The following RPH3AL variants were observed in gnomAD, a reference collection of about 807,000 sequenced individuals.
RPH3AL encodes rab effector Noc2.
In RPH3AL, 38 loss-of-function variants were observed where a neutral mutation model predicts 43.1. The observed-to-expected ratio is 0.88, with a 90% CI of 0.68 to 1.15. The LOEUF (loss-of-function observed/expected upper bound fraction) is 1.15. RPH3AL is among the 50% of genes most tolerant of loss of function. The pLI is 0.00. For synonymous variants in RPH3AL, 189 were observed against 176.3 expected (o/e 1.07, Z -0.57); for missense variants, 462 against 423.2 (o/e 1.09, Z -0.81).
At chr17:270,769 CTTTAG>C (rs1348708429) in intron 6 of RPH3AL, among the ~76,000 whole-genome samples, 3 of 152,012 alleles carry the variant, frequency 2.0e-5, no homozygotes, top group African/African-American at 7.2e-5. Context: ...TGTGGAAGCT[CTTTAG>C]TTTAATTAGA....
chr17:273,060 A>AGCGCGGGTGACTTCAGGGTGAGACCCCG (rs2042541979), intron 6 of RPH3AL, among the ~76,000 whole-genome samples: 1 of 137,498 alleles, frequency 7.3e-6, no homozygotes, highest in Non-Finnish European at 1.6e-5. Context: ...GAGAGACCCC[A>AGCGCGGGTGACTTCAGGGTGAGACCCCG]GCGAGGGCGA....
rs553778456 is a variant in RPH3AL at position 314,071 on chromosome 17, G to T, written c.351+5349C>A. Among the ~76,000 whole-genome samples, 9 of 152,286 alleles carry T rather than the reference G, an allele frequency of 5.9e-5. No individual in the cohort carries two copies. The East Asian group carries it at 1.7e-3, about 29-fold the overall frequency. ...GCGTGGGGACCCACATCCAGCTGAG[G>T]TCCTTCCCCAGGACAGCCACTGTTG... On this transcript the variant is annotated intron_variant, in intron 5 of 9. Coordinates refer to ENST00000331302, the MANE Select transcript of RPH3AL (RefSeq NM_006987.4).
At chr17:285,548 G>A (rs1168285889) in intron 5 of RPH3AL, among the ~76,000 whole-genome samples, 1 of 152,130 alleles carries the variant, frequency 6.6e-6, no homozygotes, top group African/African-American at 2.4e-5. Flanking sequence ...GATCTAATAC[G>A]GTAGCCACCA....
chr17:335,472 C>T (rs560207913), intron 1 of RPH3AL, among the ~76,000 whole-genome samples: 120 of 152,162 alleles, frequency 7.9e-4, no homozygotes, highest in African/African-American at 1.3e-3. Flanking sequence ...ATGCACGGCC[C>T]GGCCAAGAGT....
chr17:324,757 G>A (rs182824306), intron 3 of RPH3AL, among the ~76,000 whole-genome samples: 62 of 144,076 alleles, frequency 4.3e-4, no homozygotes, highest in Non-Finnish European at 8.2e-4. Context: ...ACAGAGTCTC[G>A]GTCTGTCGCC....
At chr17:269,149 A>G (rs945042119) in intron 6 of RPH3AL, among the ~76,000 whole-genome samples, 3 of 152,096 alleles carry the variant, frequency 2.0e-5, no homozygotes, top group Admixed American at 6.5e-5. Context: ...AAGTGCTGGG[A>G]TCACAGGCGT....
rs113088271 is a variant in RPH3AL at position 337,225 on chromosome 17, C to T, written c.-212-3291G>A. ...CCAACTCCTCGGCTCCCGTGATCCTCGCATCAGCCTCCCAAGTCGCTAGAA... is the reference window on the plus strand; with the variant it reads ...CCAACTCCTCGGCTCCCGTGATCCTTGCATCAGCCTCCCAAGTCGCTAGAA... On this transcript the variant is annotated intron_variant, in intron 1 of 9. Transcript: ENST00000331302. Among the ~76,000 whole-genome samples the T allele has an allele frequency of 3.0e-3, 452 of 152,070 alleles. 4 individuals are homozygous for T. Among genetic ancestry groups the T allele is most frequent in the African/African-American group, 0.01 (429 of 41,474 alleles).
chr17:325,849 G>A (rs12603847), intron 3 of RPH3AL, among the ~76,000 whole-genome samples: 35,798 of 152,058 alleles, frequency 0.24, 4,325 homozygotes, highest in East Asian at 0.35. Context: ...AGGGTCCCAC[G>A]GGACACAGCT....
At chr17:297,786 G>T (rs1351006887) in intron 5 of RPH3AL, among the ~76,000 whole-genome samples, 1 of 152,170 alleles carries the variant, frequency 6.6e-6, no homozygotes, top group East Asian at 1.9e-4. Flanking sequence ...AGAATCTGGT[G>T]AAGAGCAAGG....
chr17:286,903 C>T (rs965350084), intron 5 of RPH3AL, among the ~76,000 whole-genome samples: 3 of 141,936 alleles, frequency 2.1e-5, no homozygotes, highest in Admixed American at 7.1e-5. Context: ...GGCTTTCAGA[C>T]CTCGCACCCT....
chr17:309,017 G>T (rs775169328), intron 5 of RPH3AL, among the ~76,000 whole-genome samples: 2 of 152,218 alleles, frequency 1.3e-5, no homozygotes, highest in African/African-American at 4.8e-5. Flanking sequence ...AGTGATGGAG[G>T]CTGGCTGTGG....
chr17:285,812 A>G (rs1295274326), intron 5 of RPH3AL, among the ~76,000 whole-genome samples: 1 of 152,012 alleles, frequency 6.6e-6, no homozygotes, highest in Non-Finnish European at 1.5e-5. Context: ...ACAGCTTCCA[A>G]TCAACCCGAC....
intron 7 of RPH3AL, among the ~76,000 whole-genome samples, chr17:223,312 T>C (rs1350391686): frequency 6.6e-6 from 1 of 152,078 alleles, no homozygotes; most frequent in Non-Finnish European, 1.5e-5. Flanking sequence ...CAATACCAAG[T>C]ACAACAGCAC....
chr17:220,040 G>A (rs1192876076), intron 7 of RPH3AL, among the ~76,000 whole-genome samples: 1 of 152,166 alleles, frequency 6.6e-6, no homozygotes, highest in African/African-American at 2.4e-5. Context: ...TCCTCTAGTG[G>A]AACCAGAACC....
intron 5 of RPH3AL, among the ~76,000 whole-genome samples, chr17:315,457 C>G (rs2043971386): frequency 6.6e-6 from 1 of 151,992 alleles, no homozygotes; most frequent in African/African-American, 2.4e-5. Flanking sequence ...CTCCATTGAC[C>G]TGTAGTCCCT....
intron 5 of RPH3AL, among the ~76,000 whole-genome samples, chr17:301,604 A>AT (rs201173718): frequency 0.048 from 7,223 of 151,868 alleles, 221 homozygotes; most frequent in Middle Eastern, 0.13. Context: ...GGCCCACCTA[A>AT]TTTTTTTCAT....
intron 7 of RPH3AL, among the ~76,000 whole-genome samples, chr17:224,003 T>C (rs1322054139): frequency 1.3e-5 from 2 of 152,228 alleles, no homozygotes; most frequent in African/African-American, 4.8e-5. Flanking sequence ...AGGTGCTTCA[T>C]GAAGGTCAGG....
At chr17:226,653 C>T (rs1283033745) in intron 7 of RPH3AL, among the ~76,000 whole-genome samples, 1 of 152,234 alleles carries the variant, frequency 6.6e-6, no homozygotes, top group Non-Finnish European at 1.5e-5. Context: ...ATGTTCCTGG[C>T]TTCCTCGGGC....
chr17:268,944 T>C (rs1431876368), intron 6 of RPH3AL, among the ~76,000 whole-genome samples: 2 of 152,122 alleles, frequency 1.3e-5, no homozygotes, highest in Non-Finnish European at 2.9e-5. Flanking sequence ...AGTGCCGCGA[T>C]CTCGGCTCAC....
Sources: gnomAD v4.1 joint callset for allele counts (sites outside exome capture counted in the v4.1 genomes callset) on GRCh38, gnomAD v4.1.1 for gene constraint, MANE v1.5 for transcripts, NCBI Gene and HGNC (gene_info 2026-07-23, HGNC 2026-07-21) for gene names.